The following EYS variants were observed in gnomAD, a reference collection of about 807,000 sequenced individuals.
EYS encodes protein eyes shut homolog.
In EYS, 250 loss-of-function variants were observed where a neutral mutation model predicts 282.1. The observed-to-expected ratio is 0.89, with a 90% CI of 0.80 to 0.98. The LOEUF (loss-of-function observed/expected upper bound fraction) is 0.98, where lower values mean the gene tolerates loss of function less well. EYS is among the 50% of genes least tolerant of loss of function. The pLI is 0.00. For synonymous variants in EYS, 1,355 were observed against 1,282.9 expected, an observed-to-expected ratio of 1.06 and a Z score of -1.20; for missense variants, 4,016 against 3,709.0, an observed-to-expected ratio of 1.08 and a Z score of -2.15.
intron 33 of EYS, among the ~76,000 whole-genome samples, chr6:64,051,030 T>C (rs1770793178): frequency 6.6e-6 from 1 of 152,208 alleles, no homozygotes; most frequent in Non-Finnish European, 1.5e-5. Flanking sequence ...TGATAGATTA[T>C]CTGGTAGCTG....
intron 33 of EYS, among the ~76,000 whole-genome samples, chr6:64,037,615 C>T (rs775804692): frequency 6.6e-6 from 1 of 152,132 alleles, no homozygotes; most frequent in Admixed American, 6.5e-5. Flanking sequence ...ATAAACTACT[C>T]CCCTTGGCAG....
At chr6:64,256,813 G>T (rs1767416952) in intron 30 of EYS, among the ~76,000 whole-genome samples, 1 of 151,972 alleles carries the variant, frequency 6.6e-6, no homozygotes, top group Non-Finnish European at 1.5e-5. Flanking sequence ...TGTTTCTTTT[G>T]ATGTATATGC....
intron 12 of EYS, among the ~76,000 whole-genome samples, chr6:65,161,735 A>T (rs1001507765): frequency 2.0e-5 from 3 of 151,202 alleles, no homozygotes; most frequent in African/African-American, 7.3e-5. Flanking sequence ...ATTCATTTAC[A>T]AACAACTAAT....
intron 26 of EYS, among the ~76,000 whole-genome samples, chr6:64,549,311 G>A (rs560292143): frequency 3.3e-5 from 5 of 152,220 alleles, no homozygotes; most frequent in Non-Finnish European, 7.4e-5. Flanking sequence ...AGATGCCAAT[G>A]GTACTGCTAT....
In EYS at chr6:65,005,312, G is replaced by A. The variant is rs1431425292; in HGVS notation, c.2138-7609C>T. Among the ~76,000 whole-genome samples, 3 of 147,680 alleles carry A rather than the reference G, an allele frequency of 2.0e-5. 1 individual carries two copies. The highest frequency in any genetic ancestry group is 4.5e-5 in the Non-Finnish European group (3 of 65,940). ...CTGAACGCTAGTCACTGGGTTCCACGGTTCTCTTCCATGACCCACGGCTTC... is the reference window on the plus strand; with the variant it reads ...CTGAACGCTAGTCACTGGGTTCCACAGTTCTCTTCCATGACCCACGGCTTC... On this transcript the variant is annotated intron_variant, in intron 13 of 42. Coordinates refer to ENST00000503581, the MANE Select transcript of EYS (RefSeq NM_001142800.2).
At chr6:63,831,593 C>T (rs148657111) in intron 36 of EYS, among the ~76,000 whole-genome samples, 59 of 152,232 alleles carry the variant, frequency 3.9e-4, no homozygotes, top group East Asian at 3.7e-3. Context: ...TACAAAGAGA[C>T]GTAGACTCCC....
In EYS at chr6:64,592,020, G is replaced by A. The variant is rs74621474; in HGVS notation, c.3878-31C>T. Reference sequence around the variant, plus strand: ...AAAAGGAAAAAAGCCAAAAAGGTTAGAAAAATGAATCAGAAACGAACCACT... The same window carrying A: ...AAAAGGAAAAAAGCCAAAAAGGTTAAAAAAATGAATCAGAAACGAACCACT... On this transcript the variant is annotated intron_variant, in intron 25 of 42. Coordinates refer to ENST00000503581, the MANE Select transcript of EYS (RefSeq NM_001142800.2). 5.3e-5 allele frequency: 75 copies of A among 1,427,666 alleles called. 1 individual carries two copies. In the East Asian group the frequency reaches 1.6e-3, roughly 30 times the overall value. The allele number at this position is 1,427,666 out of a possible 1,614,324, so 88.4% of individuals were successfully genotyped here.
chr6:64,049,485 C>T (rs1770736422), intron 33 of EYS, among the ~76,000 whole-genome samples: 1 of 152,032 alleles, frequency 6.6e-6, no homozygotes, highest in Admixed American at 6.6e-5. Context: ...GAGTACTGAC[C>T]ACATCATACA....
chr6:65,607,215 T>C (rs1422535006), intron 2 of EYS, among the ~76,000 whole-genome samples: 2 of 151,774 alleles, frequency 1.3e-5, no homozygotes, highest in Non-Finnish European at 2.9e-5. Context: ...ATCTCATTTA[T>C]GAGATTTCAC....
chr6:63,934,482 A>G (rs1764992901), intron 35 of EYS, among the ~76,000 whole-genome samples: 1 of 152,144 alleles, frequency 6.6e-6, no homozygotes, highest in Non-Finnish European at 1.5e-5. Flanking sequence ...CACAATAGCA[A>G]AGACTTGGAA....
At chr6:64,996,597 C>T (rs1046918059) in intron 14 of EYS, among the ~76,000 whole-genome samples, 1 of 152,144 alleles carries the variant, frequency 6.6e-6, no homozygotes, top group Non-Finnish European at 1.5e-5. Flanking sequence ...AGCAACCAGA[C>T]AACCACAAAT....
chr6:65,330,659 C>G (rs1285649270), intron 11 of EYS: 1 of 934,944 alleles, frequency 1.1e-6, no homozygotes, highest in Non-Finnish European at 1.3e-6. Flanking sequence ...AACTTTGTGT[C>G]CGTTAACATC....
Position 63,958,026 on chromosome 6 carries a change from T to A in EYS, c.7055+26357A>T, listed in dbSNP as rs942518186. Among the ~76,000 whole-genome samples the A allele has an allele frequency of 3.6e-5, 5 of 140,698 alleles. 1 individual carries two copies. The highest frequency in any genetic ancestry group is 1.2e-4 in the African/African-American group (5 of 40,952). 92.3% of individuals were successfully genotyped at this position (140,698 alleles called of 152,430 possible). On this transcript the variant is annotated intron_variant, in intron 35 of 42. Coordinates refer to ENST00000503581, the MANE Select transcript of EYS (RefSeq NM_001142800.2). ...TATCCTCTTTCTTGTTTCTCCTTAA[T>A]TCAAGAACAAGAATTTTCAAGACGT...
chr6:63,788,746 C>T (rs1367445978), intron 38 of EYS, among the ~76,000 whole-genome samples: 1 of 152,194 alleles, frequency 6.6e-6, no homozygotes, highest in Non-Finnish European at 1.5e-5. Flanking sequence ...TGCTGAACTA[C>T]TTGCATTCCT....
intron 35 of EYS, among the ~76,000 whole-genome samples, chr6:63,893,832 C>A (rs1404327029): frequency 6.6e-6 from 1 of 152,184 alleles, no homozygotes; most frequent in East Asian, 1.9e-4. Context: ...ACTCAGCTGA[C>A]ACAGCTCAGA....
Position 65,405,280 on chromosome 6 carries a change from G to C in EYS, c.950C>G (p.Thr317Ser), listed in dbSNP as rs749535595. ...GGAAGATCCTTTTGGGCATTCATAA[G>C]TATAAGCAGAACTGCTATTTGGGCA... ...GICPNSSSAYTYECPKGSSSQ... is the reference protein window; with the variant it reads ...GICPNSSSAYSYECPKGSSSQ... The change falls in exon 6 of 43, where the codon ACT becomes AGT. Residue 317 changes from threonine to serine, a missense_variant. Thr to Ser is a moderately conservative substitution (Grantham distance 58). Coordinates refer to ENST00000503581, the MANE Select transcript of EYS (RefSeq NM_001142800.2). The C allele has an allele frequency of 7.4e-6, 12 of 1,612,912 alleles. No individual in the cohort carries two copies. Among genetic ancestry groups the C allele is most frequent in the South Asian group, 5.5e-5 (5 of 91,060 alleles).
chr6:65,521,761 T>C (rs1187282738), intron 2 of EYS, among the ~76,000 whole-genome samples: 1 of 152,180 alleles, frequency 6.6e-6, no homozygotes. Context: ...AGATTGTAAA[T>C]GTAATTTTTT....
intron 25 of EYS, among the ~76,000 whole-genome samples, chr6:64,592,683 G>T (rs954361372): frequency 4.1e-4 from 63 of 152,068 alleles, no homozygotes; most frequent in African/African-American, 1.4e-3. Flanking sequence ...ACAGCCTGAA[G>T]TTGTTAAAAT....
intron 31 of EYS, among the ~76,000 whole-genome samples, chr6:64,110,399 C>T (rs375817475): frequency 6.6e-6 from 1 of 151,692 alleles, no homozygotes; most frequent in African/African-American, 2.4e-5. Flanking sequence ...ATGGATATAC[C>T]ATGTTATAAA....
Sources: gnomAD v4.1 joint callset for allele counts (sites outside exome capture counted in the v4.1 genomes callset) on GRCh38, gnomAD v4.1.1 for gene constraint, MANE v1.5 for transcripts, NCBI Gene and HGNC (gene_info 2026-07-23, HGNC 2026-07-21) for gene names.